Variants in GBE1 observed in about 807,000 individuals in gnomAD.
GBE1 encodes the protein 1,4-alpha-glucan-branching enzyme.
Under a neutral mutation model 88.8 loss-of-function variants are expected in GBE1, and 70 were observed. The ratio of observed to expected loss-of-function variants is 0.79; its 90% CI spans 0.65 to 0.96. The LOEUF is 0.96. Ranked by LOEUF, GBE1 falls within the 40% of genes least tolerant of loss-of-function variation. GBE1 has a pLI of 0.00. For synonymous variants in GBE1, 284 were observed against 300.1 expected (o/e 0.95, Z 0.56); for missense variants, 872 against 871.0 (o/e 1.00, Z -0.01).
intron 1 of GBE1, among the ~76,000 whole-genome samples, chr3:81,718,981 T>C (rs1051049371): frequency 6.6e-6 from 1 of 152,130 alleles, no homozygotes; most frequent in Non-Finnish European, 1.5e-5. Context: ...TGACTTAATC[T>C]TGTATACTCA....
chr3:81,657,452 C>G (rs1329505756), intron 3 of GBE1, among the ~76,000 whole-genome samples: 1 of 151,852 alleles, frequency 6.6e-6, no homozygotes, highest in Non-Finnish European at 1.5e-5. Flanking sequence ...ATCAGAAACA[C>G]TCTTCATCGT....
chr3:81,573,244 G>GT (rs1005104541), intron 12 of GBE1, among the ~76,000 whole-genome samples: 1 of 151,940 alleles, frequency 6.6e-6, no homozygotes, highest in Non-Finnish European at 1.5e-5. Context: ...TTAGGCCCCA[G>GT]TTTTTTTCAT....
At chr3:81,597,970 G>T (rs962906474) in intron 7 of GBE1, among the ~76,000 whole-genome samples, 1 of 151,802 alleles carries the variant, frequency 6.6e-6, no homozygotes, top group Non-Finnish European at 1.5e-5. Flanking sequence ...ACTGTTGATT[G>T]TCTTACATTC....
chr3:81,691,146 T>C (rs544658883), intron 2 of GBE1, among the ~76,000 whole-genome samples: 4 of 152,262 alleles, frequency 2.6e-5, no homozygotes, highest in African/African-American at 7.2e-5. Context: ...AACATGACCA[T>C]GCCTTCTTGT....
intron 1 of GBE1, among the ~76,000 whole-genome samples, chr3:81,718,005 A>C (rs1187929996): frequency 1.3e-5 from 2 of 149,830 alleles, no homozygotes; most frequent in Non-Finnish European, 3.0e-5. Context: ...ATTGAGAAGG[A>C]ATCTTACTCT....
intron 14 of GBE1, among the ~76,000 whole-genome samples, chr3:81,534,140 G>T (rs1298734005): frequency 6.6e-6 from 1 of 151,854 alleles, no homozygotes; most frequent in Non-Finnish European, 1.5e-5. Flanking sequence ...AGGGCTTCAG[G>T]GGGCAAGCAC....
intron 1 of GBE1, among the ~76,000 whole-genome samples, chr3:81,711,451 G>A (rs1350572514): frequency 6.6e-6 from 1 of 152,138 alleles, no homozygotes; most frequent in South Asian, 2.1e-4. Context: ...TTATTAAATA[G>A]GGAATCCTTT....
chr3:81,659,520 T>TTTTG (rs1357207628), intron 3 of GBE1, among the ~76,000 whole-genome samples: 2 of 146,554 alleles, frequency 1.4e-5, no homozygotes, highest in African/African-American at 4.9e-5. Context: ...TTTTTTTTTT[T>TTTTG]TGTATTTTTA....
intron 7 of GBE1, among the ~76,000 whole-genome samples, chr3:81,604,077 C>T (rs1353052196): frequency 2.0e-5 from 3 of 152,008 alleles, no homozygotes; most frequent in East Asian, 3.9e-4. Context: ...TATATGAATG[C>T]CATGTGAGAG....
intron 1 of GBE1, among the ~76,000 whole-genome samples, chr3:81,731,418 A>T (rs1369972276): frequency 6.6e-6 from 1 of 152,170 alleles, no homozygotes; most frequent in African/African-American, 2.4e-5. Context: ...AAGCTAAGCC[A>T]CTGGAATTAT....
intron 2 of GBE1, among the ~76,000 whole-genome samples, chr3:81,681,003 G>A: frequency 6.6e-6 from 1 of 152,218 alleles, no homozygotes; most frequent in Non-Finnish European, 1.5e-5. Context: ...AATCCACTCA[G>A]ATACTTGGGT....
At chr3:81,692,001 A>G (rs187112457) in intron 2 of GBE1, among the ~76,000 whole-genome samples, 8 of 152,144 alleles carry the variant, frequency 5.3e-5, no homozygotes, top group Admixed American at 5.2e-4. Flanking sequence ...TCTAAACCTT[A>G]TTACCCATGC....
rs1184594748 is a variant in GBE1, at chr3:81,761,622, G to C, written c.-105C>G. The C allele has an allele frequency of 1.4e-5, 20 of 1,403,808 alleles. No individual in the cohort carries two copies. Among genetic ancestry groups the C allele is most frequent in the Non-Finnish European group, 1.8e-5 (19 of 1,052,572 alleles). 87.0% of individuals were successfully genotyped at this position (1,403,808 alleles called of 1,614,324 possible). The stretch of plus-strand genomic sequence containing the variant: ...GGCGGCTAGGGCGGAGCCGGAGGGC[G>C]CCTAGGCGTGTCGAGGCAAGCCGAG... On this transcript the variant is annotated 5_prime_UTR_variant, in exon 1 of 16. Transcript: ENST00000429644.
intron 7 of GBE1, among the ~76,000 whole-genome samples, chr3:81,606,151 T>C (rs1337922740): frequency 2.6e-5 from 4 of 152,208 alleles, no homozygotes; most frequent in African/African-American, 9.6e-5. Context: ...TTTACAATGC[T>C]AGTGATGCAC....
At chr3:81,538,974 T>C (rs571438159) in intron 12 of GBE1, among the ~76,000 whole-genome samples, 1 of 152,188 alleles carries the variant, frequency 6.6e-6, no homozygotes, top group African/African-American at 2.4e-5. Context: ...GTCATCACGA[T>C]GACAGTAGAA....
intron 5 of GBE1, among the ~76,000 whole-genome samples, chr3:81,647,302 C>T (rs922990981): frequency 3.3e-5 from 5 of 152,110 alleles, no homozygotes; most frequent in African/African-American, 4.8e-5. Context: ...TTCTACTTTC[C>T]ACTACATAAT....
chr3:81,689,230 G>A (rs1233590706), intron 2 of GBE1, among the ~76,000 whole-genome samples: 3 of 152,116 alleles, frequency 2.0e-5, no homozygotes, highest in Non-Finnish European at 2.9e-5. Flanking sequence ...AAACTCTCAG[G>A]TTAAACTTCT....
chr3:81,601,594 C>T (rs1022091697), intron 7 of GBE1, among the ~76,000 whole-genome samples: 1 of 152,070 alleles, frequency 6.6e-6, no homozygotes. Flanking sequence ...ATGGGTATAA[C>T]GTGATGGCAG....
At chr3:81,526,927 A>G (rs1220230230) in intron 14 of GBE1, among the ~76,000 whole-genome samples, 2 of 152,158 alleles carry the variant, frequency 1.3e-5, no homozygotes, top group Admixed American at 1.3e-4. Flanking sequence ...TCCTAAGTCA[A>G]AAGAACAAAG....
Sources: allele counts gnomAD v4.1 joint callset (sites outside exome capture counted in the v4.1 genomes callset), GRCh38; gene constraint gnomAD v4.1.1; transcripts MANE v1.5; gene names NCBI Gene and HGNC (gene_info 2026-07-23, HGNC 2026-07-21).